ASAH1: variants seen among roughly 807,000 people sequenced by gnomAD.
The protein encoded by ASAH1 is acid ceramidase.
In ASAH1, 70 loss-of-function variants were observed where a neutral mutation model predicts 59.5. That is an observed-to-expected ratio of 1.18 (90% CI 0.97 to 1.43). The LOEUF is 1.43. ASAH1 is among the 40% of genes most tolerant of loss of function. The pLI is 0.00. For missense variants in ASAH1, 660 were observed against 482.5 expected, an observed-to-expected ratio of 1.37 and a Z score of -3.45; for synonymous variants, 213 against 166.5, an observed-to-expected ratio of 1.28 and a Z score of -2.15.
intron 1 of ASAH1, among the ~76,000 whole-genome samples, chr8:18,083,622 G>A (rs550117011): frequency 1.3e-5 from 2 of 152,210 alleles, no homozygotes; most frequent in Admixed American, 6.5e-5. Flanking sequence ...CCTTGATTGA[G>A]TAATGCACAC....
intron 1 of ASAH1, chr8:18,076,428 G>A (rs1248766931): frequency 2.0e-5 from 3 of 152,164 alleles, no homozygotes; most frequent in Non-Finnish European, 2.9e-5. Flanking sequence ...GACAAGGAAT[G>A]AACAGACTCT....
In ASAH1 at chr8:18,061,383, C is replaced by T. The variant is rs747864508; in HGVS notation, c.779G>A (p.Ser260Asn). The T allele has an allele frequency of 2.5e-6, 4 of 1,610,504 alleles. No individual in the cohort carries two copies. In the East Asian group the frequency reaches 8.9e-5, roughly 36 times the overall value. The change falls in exon 10 of 14, where the codon AGC (serine) becomes AAC (asparagine). Residue 260 changes from serine to asparagine, a missense_variant. Physicochemically the swap from Ser to Asn is conservative, Grantham distance 46. Transcript: ENST00000637790. Reference sequence around the variant, plus strand: ...AAGCAACGAAACACTTTACCTTGTGCTATTTTCCAGAACTGTTCTAGTGAG... The same window carrying T: ...AAGCAACGAAACACTTTACCTTGTGTTATTTTCCAGAACTGTTCTAGTGAG... Reference protein sequence around the residue: ...GFLTRTVLENSTSYEEAKNLL... With the variant: ...GFLTRTVLENNTSYEEAKNLL...
intron 6 of ASAH1, chr8:18,063,577 G>A (rs778116650): frequency 2.2e-4 from 54 of 250,602 alleles, no homozygotes; most frequent in Admixed American, 1.5e-3. Context: ...CCTCGGCCTC[G>A]CAAAGTGCTG....
intron 10 of ASAH1, chr8:18,060,605 TG>T (rs1164675208): frequency 6.6e-6 from 1 of 152,218 alleles, no homozygotes; most frequent in African/African-American, 2.4e-5. Context: ...TCTTATTCCC[TG>T]GGAAGTATTA....
intron 3 of ASAH1, among the ~76,000 whole-genome samples, chr8:18,070,526 C>T (rs377745701): frequency 2.1e-4 from 32 of 152,250 alleles, no homozygotes; most frequent in African/African-American, 6.7e-4. Context: ...TCAGGTGATC[C>T]GCCTGCCTCA....
intron 1 of ASAH1, among the ~76,000 whole-genome samples, chr8:18,079,449 C>A (rs1024361): frequency 0.47 from 71,667 of 150,878 alleles, 17,399 homozygotes; most frequent in Non-Finnish European, 0.53. Flanking sequence ...CTAAAAAAAA[C>A]ACAAAAATAT....
chr8:18,072,886 A>C (rs945171971), intron 2 of ASAH1, among the ~76,000 whole-genome samples: 1 of 151,582 alleles, frequency 6.6e-6, no homozygotes, highest in African/African-American at 2.4e-5. Flanking sequence ...GCTGCTCCTC[A>C]CCTCATAACA....
chr8:18,084,553 G>C (rs923373162), upstream of ASAH1: 18 of 1,507,154 alleles, frequency 1.2e-5, no homozygotes, highest in Non-Finnish European at 1.4e-5. Flanking sequence ...TCTGAGAAAA[G>C]CGGCCCGAAA....
At chr8:18,065,452 T>G (rs2076881253) in intron 5 of ASAH1, 1 of 152,152 alleles carries the variant, frequency 6.6e-6, no homozygotes, top group Non-Finnish European at 1.5e-5. Context: ...TTCTCAATCA[T>G]CTCATAAAAT....
chr8:18,071,253 T>TAAAA, intron 3 of ASAH1, 47 bp downstream of exon 3: 4 of 1,010,728 alleles, frequency 4.0e-6, no homozygotes, highest in Non-Finnish European at 5.3e-6. Flanking sequence ...AGAAATAAAA[T>TAAAA]AAAAAATAAA....
At chr8:18,084,591 G>C, upstream of ASAH1, 1 of 1,588,098 alleles carries the variant, frequency 6.3e-7, no homozygotes, top group Non-Finnish European at 8.6e-7. Flanking sequence ...CCCCACCGCG[G>C]AGTCAGGGAC....
chr8:18,064,153 C>T (rs1221501121), intron 6 of ASAH1: 3 of 527,654 alleles, frequency 5.7e-6, no homozygotes, highest in East Asian at 3.0e-5. Context: ...CCTGCGAGCA[C>T]TTCCATCAAA....
At chr8:18,058,690 A>T in intron 13 of ASAH1, 145 bp downstream of exon 13, 1 of 716,342 alleles carries the variant, frequency 1.4e-6, no homozygotes, top group Non-Finnish European at 2.4e-6. Flanking sequence ...AGTTTTAGCC[A>T]CACAAAAACA....
intron 7 of ASAH1, 57 bp downstream of exon 7, chr8:18,063,127 CA>C: frequency 1.3e-6 from 2 of 1,560,718 alleles, no homozygotes; most frequent in South Asian, 1.1e-5. Context: ...GTCAGCCTCC[CA>C]AAAAGCTGGG....
rs367799856 is a variant in ASAH1, at chr8:18,084,107, G to A, written c.-49C>T. On this transcript the variant is annotated 5_prime_UTR_variant, in exon 1 of 14. Transcript: ENST00000637790. ...CCCGGACTCCAGCAGAGGCAAAGAA[G>A]AGCCGGCTGGGCCGGGGGCAGGCCA... 18 of 1,593,112 alleles carry A rather than the reference G, an allele frequency of 1.1e-5. No homozygotes were observed. The highest frequency in any genetic ancestry group is 8.4e-5 in the Admixed American group (5 of 59,552).
chr8:18,064,249 G>C, intron 6 of ASAH1: 1 of 585,348 alleles, frequency 1.7e-6, no homozygotes, highest in Non-Finnish European at 3.0e-6. Context: ...TTGCATGTCT[G>C]AAATCAACTT....
rs369707059 is a variant in ASAH1, at chr8:18,071,369, C to T, written c.147G>A (p.Trp49Ter). 44 of 1,599,126 alleles carry T rather than the reference C, an allele frequency of 2.8e-5. No individual in the cohort carries two copies. The highest frequency in any genetic ancestry group is 3.7e-5 in the Non-Finnish European group (43 of 1,169,850). ...SGPTYRGAVP[W>*]YTINLDLPPY... The stretch of plus-strand genomic sequence containing the variant: ...GTGGTAAGTCAAGATTTATGGTGTA[C>T]CATGGAACTGCACCTCTGTACCTGT... Residue 49 changes from tryptophan to a stop codon, truncating the protein, a stop_gained, in exon 3 of 14, where the codon TGG becomes TGA. Transcript: ENST00000637790. LOFTEE classifies it high-confidence loss of function.
At chr8:18,080,001 C>G (rs374784968) in intron 1 of ASAH1, among the ~76,000 whole-genome samples, 8 of 152,196 alleles carry the variant, frequency 5.3e-5, no homozygotes, top group Non-Finnish European at 8.8e-5. Flanking sequence ...CATTGGCTGA[C>G]GCATTCCCAG....
chr8:18,068,734 C>G (rs1394811992), intron 4 of ASAH1: 1 of 151,430 alleles, frequency 6.6e-6, no homozygotes, highest in Non-Finnish European at 1.5e-5. Flanking sequence ...GCATCCTGAG[C>G]TGCTAAACAT....
Sources: gnomAD v4.1 joint callset for allele counts (sites outside exome capture counted in the v4.1 genomes callset) on GRCh38, gnomAD v4.1.1 for gene constraint, MANE v1.5 for transcripts, NCBI Gene and HGNC (gene_info 2026-07-23, HGNC 2026-07-21) for gene names.